Variants in TNFRSF9 observed in about 807,000 individuals in gnomAD.
TNFRSF9 encodes the protein TNF receptor superfamily member 9.
Under a neutral mutation model 28.8 loss-of-function variants are expected in TNFRSF9, and 16 were observed. The ratio of observed to expected loss-of-function variants is 0.55; its 90% CI spans 0.38 to 0.84. TNFRSF9 has a LOEUF of 0.84. TNFRSF9 is among the 40% of genes least tolerant of loss of function. The pLI, the probability that TNFRSF9 is intolerant of heterozygous loss-of-function variation, is 0.00. For synonymous variants in TNFRSF9, 131 were observed against 117.0 expected (o/e 1.12, Z -0.77); for missense variants, 303 against 315.0 (o/e 0.96, Z 0.29).
chr1:7,926,291 G>T (rs181867363), intron 7 of TNFRSF9, among the ~76,000 whole-genome samples: 32 of 152,240 alleles, frequency 2.1e-4, no homozygotes, highest in African/African-American at 7.0e-4. Flanking sequence ...ATGGTATTCG[G>T]TACAGTCACA....
At chr1:7,937,354 A>G (rs933563562) in intron 5 of TNFRSF9, among the ~76,000 whole-genome samples, 2 of 152,066 alleles carry the variant, frequency 1.3e-5, no homozygotes, top group Non-Finnish European at 2.9e-5. Context: ...TTTTGTAGAG[A>G]CAGGGTCTCA....
At chr1:7,932,102 A>G (rs1639740426) in intron 7 of TNFRSF9, among the ~76,000 whole-genome samples, 1 of 152,136 alleles carries the variant, frequency 6.6e-6, no homozygotes, top group African/African-American at 2.4e-5. Context: ...ACGCCATTGC[A>G]CTCCAGCCTG....
chr1:7,938,322 T>C lies in TNFRSF9; in HGVS notation c.217A>G (p.Arg73Gly), dbSNP rs1248932867. Residue 73 changes from arginine (R) to glycine (G), a missense_variant, in exon 4 of 8, where the codon AGG (arginine) becomes GGG (glycine). Arg to Gly is a moderately radical substitution (Grantham distance 125, BLOSUM62 -2). Coordinates refer to ENST00000377507, the MANE Select transcript of TNFRSF9 (RefSeq NM_001561.6). ...DICRQCKGVF[R>G]TRKECSSTSN... ...GTGGAGGAACACTCCTTCCTGGTCC[T>C]GAAAACACCTACAAAGTCCCCCCAG... is the stretch of plus-strand genomic sequence containing the variant. 2 of 1,601,784 alleles carry C rather than the reference T, an allele frequency of 1.2e-6. No individual in the cohort carries two copies. The highest frequency in any genetic ancestry group is 1.7e-6 in the Non-Finnish European group (2 of 1,174,474).
intron 7 of TNFRSF9, among the ~76,000 whole-genome samples, chr1:7,932,296 CT>C (rs1398703554): frequency 6.6e-6 from 1 of 152,132 alleles, no homozygotes; most frequent in African/African-American, 2.4e-5. Context: ...CTTATTAAGC[CT>C]GTTATGTCTC....
Position 7,938,269 on chromosome 1 carries a change from T to C in TNFRSF9, c.270A>G (p.Pro90=). Residue 90 remains proline (P), a synonymous_variant, in exon 4 of 8, where the codon CCA becomes CCG. Coordinates refer to ENST00000377507, the MANE Select transcript of TNFRSF9 (RefSeq NM_001561.6). ...STSNAECDCT[P]GFHCLGAGCS... is the part of the protein sequence containing the mutation. ...ATCCTGCCCCCAGGCAGTGAAACCCTGGAGTGCAGTCACACTCTGCATTGC... is the reference window on the plus strand; with the variant it reads ...ATCCTGCCCCCAGGCAGTGAAACCCCGGAGTGCAGTCACACTCTGCATTGC... 1 of 1,609,778 alleles carries C rather than the reference T, an allele frequency of 6.2e-7. No individual in the cohort carries two copies. The highest frequency in any genetic ancestry group is 1.1e-5 in the South Asian group (1 of 90,402).
rs546018994 is a variant in TNFRSF9, at chr1:7,924,125, C to T, written c.680-3202G>A. On this transcript the variant is annotated intron_variant, in intron 7 of 7. Coordinates refer to ENST00000377507, the MANE Select transcript of TNFRSF9 (RefSeq NM_001561.6). ...ACATTGCAGCACAGCTCATTGCTCA[C>T]GTTTGTGGTGATACTGATGTAAAAA... Among the ~76,000 whole-genome samples the T allele has an allele frequency of 3.3e-5, 5 of 151,852 alleles. No homozygotes were observed. In the South Asian group the frequency reaches 6.2e-4, roughly 19 times the overall value.
chr1:7,915,916 G>A lies in TNFRSF9; in HGVS notation c.*4919C>T, dbSNP rs1367926035. The A allele has an allele frequency of 6.6e-6, 1 of 151,688 alleles. No individual in the cohort carries two copies. The highest frequency in any genetic ancestry group is 1.5e-5 in the Non-Finnish European group (1 of 67,924). The allele number at this position is 151,688 out of a possible 1,614,324, so 9.4% of individuals were successfully genotyped here. A position where few individuals can be genotyped will look rare whatever the true frequency, so the allele number is the denominator to read the frequency against. On this transcript the variant is annotated 3_prime_UTR_variant, in exon 8 of 8. Coordinates refer to ENST00000377507, the MANE Select transcript of TNFRSF9 (RefSeq NM_001561.6). ...TTTCCTGTGAACATCATAGTTTTGT[G>A]TTTTATTAGATAGTCTTTTAAATAA...
In TNFRSF9 at chr1:7,916,445, AT is replaced by A. The variant is rs1244405525; in HGVS notation, c.*4389del. 2.0e-5 allele frequency: 3 copies of A among 152,238 alleles called. No homozygotes were observed. The highest frequency in any genetic ancestry group is 2.9e-5 in the Non-Finnish European group (2 of 68,048). The allele number at this position is 152,238 out of a possible 1,614,324, so 9.4% of individuals were successfully genotyped here. ...TGATAAAAATATCACAGTCTGTATC[AT>A]AAACATAGCCTCCTTTCTTCACAGA... On this transcript the variant is annotated 3_prime_UTR_variant, in exon 8 of 8. Transcript: ENST00000377507.
chr1:7,927,062 T>TAA (rs71567330), intron 7 of TNFRSF9, among the ~76,000 whole-genome samples: 30 of 148,106 alleles, frequency 2.0e-4, no homozygotes, highest in Non-Finnish European at 4.0e-4. Flanking sequence ...TGTCTCAAAA[T>TAA]AAAAAAAAAA....
At chr1:7,934,890 G>T in intron 6 of TNFRSF9, 123 bp downstream of exon 6, 2 of 1,305,876 alleles carry the variant, frequency 1.5e-6, no homozygotes, top group South Asian at 2.9e-5. Flanking sequence ...CCTGAGGGCA[G>T]GATTCAGGAA....
Position 7,927,109 on chromosome 1 carries a change from C to T in TNFRSF9, c.679+6053G>A, listed in dbSNP as rs371827638. Among the ~76,000 whole-genome samples, 7 of 152,110 alleles carry T rather than the reference C, an allele frequency of 4.6e-5. No individual in the cohort carries two copies. In the East Asian group the frequency reaches 9.7e-4, roughly 21 times the overall value. On this transcript the variant is annotated intron_variant, in intron 7 of 7. Coordinates refer to ENST00000377507, the MANE Select transcript of TNFRSF9 (RefSeq NM_001561.6). ...ATGCAGAGAGCCAAAGCCCGTGAGA[C>T]GTGACCAACTCAACATTCCACTGGA... is the stretch of plus-strand genomic sequence containing the variant.
rs1022543805 is a variant in TNFRSF9, at chr1:7,922,698, G to C, written c.680-1775C>G. Among the ~76,000 whole-genome samples, 46 of 151,888 alleles carry C rather than the reference G, an allele frequency of 3.0e-4. 1 individual carries two copies. Among genetic ancestry groups the C allele is most frequent in the African/African-American group, 1.0e-3 (43 of 41,454 alleles). Reference sequence around the variant, plus strand: ...ATGGTGGCGCTCACCTGTAATCTTAGCTATTCGGGAGTCTGAGGCAGGACA... The same window carrying C: ...ATGGTGGCGCTCACCTGTAATCTTACCTATTCGGGAGTCTGAGGCAGGACA... On this transcript the variant is annotated intron_variant, in intron 7 of 7. Transcript: ENST00000377507.
chr1:7,928,707 C>T (rs1018865504), intron 7 of TNFRSF9, among the ~76,000 whole-genome samples: 7 of 151,650 alleles, frequency 4.6e-5, no homozygotes, highest in Non-Finnish European at 1.0e-4. Flanking sequence ...GCCTGGCCAA[C>T]GTGGCAAAAC....
intron 7 of TNFRSF9, among the ~76,000 whole-genome samples, chr1:7,929,783 C>T (rs942038582): frequency 1.3e-5 from 2 of 152,068 alleles, no homozygotes; most frequent in African/African-American, 4.8e-5. Flanking sequence ...TGTTATACAA[C>T]TCCACATGTG....
chr1:7,939,792 T>C (rs1306602787), intron 2 of TNFRSF9, 103 bp downstream of exon 2: 2 of 798,262 alleles, frequency 2.5e-6, no homozygotes, highest in African/African-American at 3.4e-5. Flanking sequence ...TGAATTTTCA[T>C]TTTCCTTTCC....
chr1:7,921,748 C>G (rs970761631), intron 7 of TNFRSF9: 5 of 152,122 alleles, frequency 3.3e-5, no homozygotes, highest in African/African-American at 1.2e-4. Flanking sequence ...TGAACTTCCT[C>G]TAGAGATTAT....
chr1:7,934,782 A>G (rs1235473776), intron 6 of TNFRSF9, among the ~76,000 whole-genome samples: 2 of 152,198 alleles, frequency 1.3e-5, no homozygotes, highest in East Asian at 3.8e-4. Context: ...GCATTGATAA[A>G]GATATAGACT....
Position 7,933,253 on chromosome 1 carries a change from C to G in TNFRSF9, c.588G>C (p.Ser196=). The G allele has an allele frequency of 6.2e-7, 1 of 1,613,786 alleles. No individual in the cohort carries two copies. The change falls in exon 7 of 8, where the codon TCG becomes TCC. Residue 196 remains serine, a synonymous_variant. Transcript: ENST00000377507. ...QIISFFLALT[S]TALLFLLFFL... is the part of the protein sequence containing the mutation. ...AGAACAGCAGGAAGAGCAACGCAGT[C>G]GACGTCAGCGCAAGAAAGAAGGAGA...
chr1:7,923,990 A>G (rs909185227), intron 7 of TNFRSF9, among the ~76,000 whole-genome samples: 1 of 152,168 alleles, frequency 6.6e-6, no homozygotes, highest in Non-Finnish European at 1.5e-5. Context: ...ACAGTCATAC[A>G]GCGTACAACA....
Sources: allele counts gnomAD v4.1 joint callset (sites outside exome capture counted in the v4.1 genomes callset), GRCh38; gene constraint gnomAD v4.1.1; transcripts MANE v1.5; gene names NCBI Gene and HGNC (gene_info 2026-07-23, HGNC 2026-07-21).